Variants in CPSF3 observed in about 807,000 individuals in gnomAD.
CPSF3 encodes cleavage and polyadenylation specificity factor subunit 3.
Under a neutral mutation model 84.1 loss-of-function variants are expected in CPSF3, and 57 were observed. That is an observed-to-expected ratio of 0.68 (90% CI 0.55 to 0.85). The LOEUF is 0.85. Ranked by LOEUF, CPSF3 falls within the 40% of genes least tolerant of loss-of-function variation. The pLI, the probability that CPSF3 is intolerant of heterozygous loss-of-function variation, is 0.00. For synonymous variants in CPSF3, 275 were observed against 278.1 expected (o/e 0.99, Z 0.11); for missense variants, 522 against 838.8 (o/e 0.62, Z 4.66).
chr2:9,456,735 A>G (rs1372265922), intron 13 of CPSF3, among the ~76,000 whole-genome samples, 198 bp from the exon 14 acceptor site: 2 of 152,214 alleles, frequency 1.3e-5, no homozygotes, highest in Non-Finnish European at 2.9e-5. Flanking sequence ...GGTAAATGCT[A>G]TCTAGTTGAA....
rs1680932705 is a variant in CPSF3, at chr2:9,440,513, A to G, written c.783A>G (p.Pro261=). 6.2e-7 allele frequency: 1 copy of G among 1,614,048 alleles called. No individual in the cohort carries two copies. The highest frequency in any genetic ancestry group is 8.5e-7 in the Non-Finnish European group (1 of 1,179,912). The change falls in exon 8 of 18, where the codon CCA becomes CCG. Residue 261 remains proline (P), a synonymous_variant. Coordinates refer to ENST00000238112, the MANE Select transcript of CPSF3 (RefSeq NM_016207.4). ...LILDEYWQNH[P]ELHDIPIYYA... is the part of the protein sequence containing the mutation. ...TAGATGAGTACTGGCAGAATCACCC[A>G]GAACTACATGACATTCCAATATACT...
chr2:9,431,032 C>T (rs1680567552), intron 4 of CPSF3, 152 bp downstream of exon 4: 2 of 632,898 alleles, frequency 3.2e-6, no homozygotes, highest in Admixed American at 3.0e-5. Flanking sequence ...GTCATTGAAA[C>T]CTATTGTGTT....
At chr2:9,432,024 G>A (rs543748823) in intron 4 of CPSF3, among the ~76,000 whole-genome samples, 8 of 152,286 alleles carry the variant, frequency 5.3e-5, no homozygotes, top group African/African-American at 1.7e-4. Context: ...CAGAGTCAGC[G>A]TCCTTAACCA....
intron 16 of CPSF3, 171 bp downstream of exon 16, chr2:9,467,947 C>A (rs1016527718): frequency 9.6e-5 from 54 of 561,348 alleles, no homozygotes; most frequent in Non-Finnish European, 7.9e-5. Flanking sequence ...CGTTCCCTGC[C>A]AGCTCTGCAC....
rs181466979 is a variant in CPSF3, at chr2:9,472,124, G to T, written c.1953+685G>T. Among the ~76,000 whole-genome samples, 453 of 151,720 alleles carry T rather than the reference G, an allele frequency of 3.0e-3. 2 individuals are homozygous for T. Among genetic ancestry groups the T allele is most frequent in the African/African-American group, 0.011 (436 of 41,352 alleles). ...AGGTCAAGAGTTTGAGACCAGCCTG[G>T]CCAACATGATGAAACCCCATCTCTA... On this transcript the variant is annotated intron_variant, in intron 17 of 17. Coordinates refer to ENST00000238112, the MANE Select transcript of CPSF3 (RefSeq NM_016207.4).
chr2:9,463,927 A>G (rs1051250069), intron 15 of CPSF3, among the ~76,000 whole-genome samples: 4 of 152,182 alleles, frequency 2.6e-5, no homozygotes. Context: ...CCATTTACAG[A>G]AAAAGTTGCC....
Position 9,430,476 on chromosome 2 carries a change from T to C in CPSF3, c.213-276T>C, listed in dbSNP as rs561589965. Among the ~76,000 whole-genome samples the C allele has an allele frequency of 5.3e-5, 8 of 152,354 alleles. No individual in the cohort carries two copies. In the East Asian group the frequency reaches 1.5e-3, roughly 29 times the overall value. On this transcript the variant is annotated intron_variant, in intron 3 of 17. Transcript: ENST00000238112. The stretch of plus-strand genomic sequence containing the variant: ...TCTGTTAAAATGTTTGCTGTAATTC[T>C]GGCTGCCAGGAGTAGGCTTGGGATA...
At chr2:9,466,458 A>G (rs376742888) in intron 15 of CPSF3, among the ~76,000 whole-genome samples, 47 of 152,200 alleles carry the variant, frequency 3.1e-4, no homozygotes, top group African/African-American at 1.1e-3. Flanking sequence ...TTAGCTGGGC[A>G]TGGTGATGCA....
intron 15 of CPSF3, among the ~76,000 whole-genome samples, chr2:9,466,391 C>T (rs907510228): frequency 4.6e-4 from 36 of 78,996 alleles, no homozygotes; most frequent in Non-Finnish European, 1.0e-3. Context: ...CGCACACACG[C>T]GCACACACAC....
intron 8 of CPSF3, 116 bp downstream of exon 8, chr2:9,440,782 A>G (rs1004871553): frequency 2.2e-5 from 22 of 987,000 alleles, no homozygotes; most frequent in Non-Finnish European, 3.2e-5. Context: ...TTGGGAGTCT[A>G]AGGCAGGAGG....
intron 15 of CPSF3, among the ~76,000 whole-genome samples, chr2:9,466,653 A>G (rs1415718830): frequency 6.6e-6 from 1 of 152,218 alleles, no homozygotes; most frequent in Non-Finnish European, 1.5e-5. Context: ...TCCCTTACGT[A>G]TGATGCCCCA....
intron 10 of CPSF3, among the ~76,000 whole-genome samples, chr2:9,446,063 C>T (rs1681115103): frequency 6.6e-6 from 1 of 152,218 alleles, no homozygotes; most frequent in Non-Finnish European, 1.5e-5. Context: ...TCTGTTCAGG[C>T]AGCCAGGCCC....
chr2:9,447,289 G>A (rs1249968371), intron 10 of CPSF3, among the ~76,000 whole-genome samples: 1 of 151,518 alleles, frequency 6.6e-6, no homozygotes, highest in Admixed American at 6.6e-5. Context: ...AGACCACCTT[G>A]GGCAATATGT....
chr2:9,444,396 G>T (rs1681059711), intron 10 of CPSF3, among the ~76,000 whole-genome samples: 1 of 151,730 alleles, frequency 6.6e-6, no homozygotes, highest in Admixed American at 6.6e-5. Context: ...AAAGTGCTGG[G>T]ATTACAGGCG....
intron 15 of CPSF3, among the ~76,000 whole-genome samples, chr2:9,460,437 A>G (rs1681694567): frequency 6.6e-6 from 1 of 152,178 alleles, no homozygotes; most frequent in Admixed American, 6.5e-5. Flanking sequence ...TCAAAAATAA[A>G]TAAATAAAAA....
intron 15 of CPSF3, among the ~76,000 whole-genome samples, chr2:9,463,936 C>G (rs1048733681): frequency 2.6e-5 from 4 of 152,174 alleles, no homozygotes; most frequent in African/African-American, 4.8e-5. Flanking sequence ...GAAAAAGTTG[C>G]CCTCTTCTCA....
At chr2:9,459,427 G>T in intron 14 of CPSF3, 104 bp from the exon 15 acceptor site, 2 of 743,472 alleles carry the variant, frequency 2.7e-6, no homozygotes, top group East Asian at 2.5e-5. Flanking sequence ...GCTAGAAGCA[G>T]TAGTTCCATA....
chr2:9,423,745 C>T lies in CPSF3; in HGVS notation c.-29C>T. On this transcript the variant is annotated 5_prime_UTR_variant, in exon 1 of 18. Coordinates refer to ENST00000238112, the MANE Select transcript of CPSF3 (RefSeq NM_016207.4). The stretch of plus-strand genomic sequence containing the variant: ...AGGAAGACCCCGGCGACCTGTTCCT[C>T]ACCCCCGCTTCGCCCTCACACTTTC... 6.2e-7 allele frequency: 1 copy of T among 1,611,862 alleles called. No homozygotes were observed. The highest frequency in any genetic ancestry group is 8.5e-7 in the Non-Finnish European group (1 of 1,179,096).
rs981328288 is a variant in CPSF3, at chr2:9,463,810, C to T, written c.1787-3897C>T. Reference sequence around the variant, plus strand: ...AAGTATAGTGTTACCGAAACACAGCCGTGCGCACTGGTTCATCATCTCTGA... The same window carrying T: ...AAGTATAGTGTTACCGAAACACAGCTGTGCGCACTGGTTCATCATCTCTGA... On this transcript the variant is annotated intron_variant, in intron 15 of 17. Coordinates refer to ENST00000238112, the MANE Select transcript of CPSF3 (RefSeq NM_016207.4). 2.0e-5 allele frequency among the ~76,000 whole-genome samples: 3 copies of T among 152,298 alleles called. No homozygotes were observed. The East Asian group carries it at 5.8e-4, about 29-fold the overall frequency.
Sources: allele counts gnomAD v4.1 joint callset (sites outside exome capture counted in the v4.1 genomes callset), GRCh38; gene constraint gnomAD v4.1.1; transcripts MANE v1.5; gene names NCBI Gene and HGNC (gene_info 2026-07-23, HGNC 2026-07-21).